Variants in PHACTR2 observed in about 807,000 individuals in gnomAD.
PHACTR2 encodes chromosome 6 open reading frame 56.
A neutral mutation model predicts 76.0 loss-of-function variants in PHACTR2; 30 were observed. The observed-to-expected ratio is 0.39, with a 90% CI of 0.30 to 0.54. The LOEUF is 0.54. Among genes scored for constraint, PHACTR2 ranks in the 20% least tolerant of loss-of-function variants. The pLI is 0.61. For synonymous variants in PHACTR2, 292 were observed against 292.5 expected (o/e 1.00, Z 0.02); for missense variants, 696 against 781.1 (o/e 0.89, Z 1.30).
At chr6:143,675,016 T>C (rs1332504349), upstream of PHACTR2, among the ~76,000 whole-genome samples, 3 of 152,208 alleles carry the variant, frequency 2.0e-5, no homozygotes, top group East Asian at 1.9e-4. The surrounding 1 kb of genome is among the most constrained non-coding windows in gnomAD (Gnocchi z 4.9). Flanking sequence ...CAAGTGTCAC[T>C]TTGGGTACCC....
At chr6:143,815,254 C>G (rs1776273462) in intron 12 of PHACTR2, among the ~76,000 whole-genome samples, 1 of 152,108 alleles carries the variant, frequency 6.6e-6, no homozygotes, top group Non-Finnish European at 1.5e-5. Context: ...GTGGTCTAGC[C>G]TCTCAGGTAG....
At chr6:143,609,417 G>T (rs1775942473) in intron 1 of PHACTR2, among the ~76,000 whole-genome samples, 1 of 152,154 alleles carries the variant, frequency 6.6e-6, no homozygotes, top group Non-Finnish European at 1.5e-5. Context: ...TAATATCAGG[G>T]ATGAAAATGT....
rs9496721 is a variant in PHACTR2, at chr6:143,662,360, A to T, written c.14-49656A>T. 0.55 allele frequency among the ~76,000 whole-genome samples: 83,922 copies of T among 151,976 alleles called. 24,122 individuals are homozygous for T. Among genetic ancestry groups the T allele is most frequent in the African/African-American group, 0.74 (30,530 of 41,476 alleles). The stretch of plus-strand genomic sequence containing the variant: ...CAAGGAACATAAAAGTAAAGAAGAG[A>T]TGAAGTTAAGCCTGTTAAATATAAG... On this transcript the variant is annotated intron_variant, in intron 1 of 11. Coordinates refer to the PHACTR2 transcript ENST00000305766. The surrounding 1 kb of genome is among the most constrained non-coding windows in gnomAD (Gnocchi z 4.7).
intron 10 of PHACTR2, among the ~76,000 whole-genome samples, chr6:143,786,234 G>T (rs1006677489): frequency 6.6e-6 from 1 of 152,144 alleles, no homozygotes; most frequent in African/African-American, 2.4e-5. Context: ...CAAGTTCAAA[G>T]TTCCACGAAT....
In PHACTR2 at chr6:143,803,358, G is replaced by A. The variant is rs1480868450; in HGVS notation, c.1846-3699G>A. ...AGCCTAGGAGTTTGAGACCAGCCTG[G>A]CCAACATTGCGAAATCCATCTCCAC... On this transcript the variant is annotated intron_variant, in intron 11 of 12. Coordinates refer to ENST00000440869, the MANE Select transcript of PHACTR2 (RefSeq NM_001100164.2). The surrounding 1 kb of genome is among the most constrained non-coding windows in gnomAD (Gnocchi z 4.7). Among the ~76,000 whole-genome samples the A allele has an allele frequency of 6.6e-6, 1 of 152,108 alleles. No individual in the cohort carries two copies. Among genetic ancestry groups the A allele is most frequent in the Non-Finnish European group, 1.5e-5 (1 of 68,022 alleles).
In PHACTR2 at chr6:143,754,951, T is replaced by G. The variant is rs1182182783; in HGVS notation, c.454+1039T>G. Among the ~76,000 whole-genome samples the G allele has an allele frequency of 2.0e-5, 3 of 152,192 alleles. No individual in the cohort carries two copies. The highest frequency in any genetic ancestry group is 4.4e-5 in the Non-Finnish European group (3 of 68,046). ...AGAGCGAAAGGGAAAAAAGATTATT[T>G]GATGGCCCTATTAAACACACCATTG... On this transcript the variant is annotated intron_variant, in intron 4 of 12. Transcript: ENST00000440869. The surrounding 1 kb of genome is among the most constrained non-coding windows in gnomAD (Gnocchi z 6.2).
At chr6:143,649,978 C>T (rs1776729620) in intron 1 of PHACTR2, among the ~76,000 whole-genome samples, 1 of 152,194 alleles carries the variant, frequency 6.6e-6, no homozygotes, top group Non-Finnish European at 1.5e-5. Flanking sequence ...AGCTGATAAG[C>T]AACTTCAGCA....
At chr6:143,587,444 A>G (rs1235324204) in intron 1 of PHACTR2, among the ~76,000 whole-genome samples, 1 of 152,226 alleles carries the variant, frequency 6.6e-6, no homozygotes, top group Non-Finnish European at 1.5e-5. Context: ...CAAAGTCAAC[A>G]TACTAGAGCG....
chr6:143,737,574 A>G (rs1386502434), intron 2 of PHACTR2, among the ~76,000 whole-genome samples: 1 of 151,024 alleles, frequency 6.6e-6, no homozygotes, highest in African/African-American at 2.5e-5. Context: ...TAATCACAAT[A>G]TTTGAAACAC....
Position 143,760,720 on chromosome 6 carries a change from G to C in PHACTR2, c.694+80G>C, listed in dbSNP as rs1026932658. 1 of 1,500,906 alleles carries C rather than the reference G, an allele frequency of 6.7e-7. No homozygotes were observed. The highest frequency in any genetic ancestry group is 9.0e-7 in the Non-Finnish European group (1 of 1,112,126). 93.0% of individuals were successfully genotyped at this position (1,500,906 alleles called of 1,614,324 possible). A position where few individuals can be genotyped will look rare whatever the true frequency, so the allele number is the denominator to read the frequency against. ...ATGGGGCTAATTGTTTCTTCTAGGT[G>C]TGATGGGCTTTTGGTGTCTTAGGAC... On this transcript the variant is annotated intron_variant, in intron 5 of 12. Coordinates refer to ENST00000440869, the MANE Select transcript of PHACTR2 (RefSeq NM_001100164.2). This position sits in a 1 kb window ranked among gnomAD's most constrained non-coding sequence, Gnocchi z 6.4.
At chr6:143,740,505 A>AT (rs753602690) in intron 2 of PHACTR2, among the ~76,000 whole-genome samples, 2 of 127,360 alleles carry the variant, frequency 1.6e-5, no homozygotes, top group African/African-American at 2.9e-5. Context: ...ACATCCTTTT[A>AT]ATTAAAAAAA....
chr6:143,804,136 C>T (rs1160234474), intron 11 of PHACTR2, among the ~76,000 whole-genome samples: 1 of 152,162 alleles, frequency 6.6e-6, no homozygotes, highest in Non-Finnish European at 1.5e-5. Flanking sequence ...AAGGGCTCGG[C>T]CCAGCAGTTT....
upstream of PHACTR2, among the ~76,000 whole-genome samples, chr6:143,604,622 C>T (rs1196092066): frequency 6.6e-6 from 1 of 152,138 alleles, no homozygotes; most frequent in Non-Finnish European, 1.5e-5. Context: ...TGGCTCATGC[C>T]TGTAATCCCA....
chr6:143,642,137 G>A (rs944079420), intron 1 of PHACTR2, among the ~76,000 whole-genome samples: 17 of 152,140 alleles, frequency 1.1e-4, no homozygotes, highest in Middle Eastern at 3.4e-3. Flanking sequence ...AGGATACACT[G>A]GCCTTATACT....
chr6:143,727,147 ACTCTCTAC>A (rs1314448943), intron 2 of PHACTR2, among the ~76,000 whole-genome samples: 1 of 151,846 alleles, frequency 6.6e-6, no homozygotes, highest in African/African-American at 2.4e-5. Context: ...CTGTCATTCT[ACTCTCTAC>A]CTCTATCAGA....
At position 143,807,191 on chromosome 6, in the gene PHACTR2, A is replaced by G; in HGVS notation, c.1922+58A>G. Reference sequence around the variant, plus strand: ...ATGCTTAAGATGTGATCCCATGTTGAGTTGGTTAAAAAAAGAAATTGCTTA... The same window carrying G: ...ATGCTTAAGATGTGATCCCATGTTGGGTTGGTTAAAAAAAGAAATTGCTTA... On this transcript the variant is annotated intron_variant, in intron 12 of 12. Transcript: ENST00000440869. This position sits in a 1 kb window ranked among gnomAD's most constrained non-coding sequence, Gnocchi z 5.5. The G allele has an allele frequency of 4.1e-6, 4 of 986,920 alleles. No homozygotes were observed. In the South Asian group the frequency reaches 5.7e-5, roughly 14 times the overall value. 61.1% of individuals were successfully genotyped at this position (986,920 alleles called of 1,614,324 possible). A position where few individuals can be genotyped will look rare whatever the true frequency, so the allele number is the denominator to read the frequency against.
chr6:143,586,679 A>G (rs1046721073), intron 1 of PHACTR2, among the ~76,000 whole-genome samples: 1 of 152,226 alleles, frequency 6.6e-6, no homozygotes, highest in African/African-American at 2.4e-5. Flanking sequence ...GTTTATGCAG[A>G]AATTTCTAGG....
chr6:143,790,832 C>T (rs1340278774), intron 11 of PHACTR2, among the ~76,000 whole-genome samples: 2 of 152,048 alleles, frequency 1.3e-5, no homozygotes, highest in East Asian at 1.9e-4. Context: ...CGCCACCACG[C>T]CCAGCTATTT....
In PHACTR2 at chr6:143,755,397, G is replaced by A; in HGVS notation, c.454+1485G>A. 2.2e-6 allele frequency: 1 copy of A among 455,980 alleles called. No homozygotes were observed. Among genetic ancestry groups the A allele is most frequent in the Non-Finnish European group, 4.4e-6 (1 of 226,776 alleles). 28.2% of individuals were successfully genotyped at this position (455,980 alleles called of 1,614,324 possible). ...TGCATTACGTAACAGTGCCATCTCT[G>A]GTGCCTGGTCCGTGCAGGGTATTCG... On this transcript the variant is annotated intron_variant, in intron 4 of 12. Coordinates refer to ENST00000440869, the MANE Select transcript of PHACTR2 (RefSeq NM_001100164.2). This position sits in a 1 kb window ranked among gnomAD's most constrained non-coding sequence, Gnocchi z 5.2.
Sources: allele counts gnomAD v4.1 joint callset (sites outside exome capture counted in the v4.1 genomes callset), GRCh38; gene constraint gnomAD v4.1.1; non-coding constraint Gnocchi (gnomAD v3.1); transcripts MANE v1.5; gene names NCBI Gene and HGNC (gene_info 2026-07-23, HGNC 2026-07-21).